Variants in COBL observed in about 807,000 individuals in gnomAD.
COBL encodes cordon-bleu WH2 repeat protein.
A neutral mutation model predicts 98.8 loss-of-function variants in COBL; 51 were observed. The observed-to-expected ratio is 0.52, with a 90% CI of 0.41 to 0.65. The LOEUF (loss-of-function observed/expected upper bound fraction) is 0.65. Among genes scored for constraint, COBL ranks in the 30% least tolerant of loss-of-function variants. COBL has a pLI of 0.00. For synonymous variants in COBL, 634 were observed against 651.7 expected (o/e 0.97, Z 0.41); for missense variants, 1,617 against 1,617.5 (o/e 1.00, Z 0.01).
intron 1 of COBL, among the ~76,000 whole-genome samples, chr7:51,224,931 T>TGGGCGGCCCGTGCATGCGG (rs552188617): frequency 6.6e-6 from 1 of 152,070 alleles, no homozygotes; most frequent in African/African-American, 2.4e-5. Context: ...CCTGTGCGTG[T>TGGGCGGCCCGTGCATGCGG]GGGCGGCCCG....
chr7:51,286,378 C>T (rs772537632), intron 1 of COBL, among the ~76,000 whole-genome samples: 7 of 138,260 alleles, frequency 5.1e-5, no homozygotes, highest in Non-Finnish European at 1.1e-4. Context: ...GCTGTATCCA[C>T]ATTATATAAA....
intron 7 of COBL, among the ~76,000 whole-genome samples, chr7:51,066,706 G>A (rs112541608): frequency 7.2e-5 from 11 of 152,224 alleles, no homozygotes; most frequent in East Asian, 1.9e-4. Context: ...CGCTGGCAGC[G>A]AATCTATGAA....
intron 2 of COBL, among the ~76,000 whole-genome samples, chr7:51,195,066 G>A (rs888541906): frequency 1.3e-5 from 2 of 152,034 alleles, no homozygotes; most frequent in African/African-American, 2.4e-5. Flanking sequence ...AATTGGTTTC[G>A]GAGTCTTCGT....
chr7:51,260,324 T>G (rs1373885697), intron 1 of COBL, among the ~76,000 whole-genome samples: 1 of 152,190 alleles, frequency 6.6e-6, no homozygotes, highest in Non-Finnish European at 1.5e-5. Context: ...TATGTAAAGT[T>G]TGCATTGAAA....
intron 6 of COBL, among the ~76,000 whole-genome samples, chr7:51,129,892 G>A (rs1237965043): frequency 5.9e-5 from 9 of 152,172 alleles, no homozygotes; most frequent in Non-Finnish European, 1.0e-4. Flanking sequence ...TTGCTCTAGC[G>A]AAGGTGTAAA....
intron 7 of COBL, chr7:51,071,206 G>A (rs1792515767): frequency 6.6e-6 from 1 of 152,160 alleles, no homozygotes; most frequent in Admixed American, 6.5e-5. Context: ...CTTATAAGGA[G>A]GAGAAATGAC....
chr7:51,126,074 T>A (rs1170983049), intron 6 of COBL, among the ~76,000 whole-genome samples: 1 of 152,216 alleles, frequency 6.6e-6, no homozygotes, highest in African/African-American at 2.4e-5. Flanking sequence ...CACACTGTAA[T>A]CCCAGCACTC....
At chr7:51,206,397 C>T (rs1467073369) in intron 2 of COBL, among the ~76,000 whole-genome samples, 1 of 150,424 alleles carries the variant, frequency 6.6e-6, no homozygotes, top group African/African-American at 2.5e-5. Context: ...AAGGCTGAGG[C>T]AGGAGAATTG....
At chr7:51,187,609 C>T (rs1191188882) in intron 4 of COBL, among the ~76,000 whole-genome samples, 2 of 152,176 alleles carry the variant, frequency 1.3e-5, no homozygotes. Context: ...GCGCACACCA[C>T]TTCTGATCTG....
At chr7:51,029,631 C>T (rs779046375) in intron 9 of COBL, 40 bp from the exon 10 acceptor site, 30 of 1,513,676 alleles carry the variant, frequency 2.0e-5, no homozygotes, top group Non-Finnish European at 2.4e-5. Flanking sequence ...ATGTTTCCCA[C>T]ACCAATTACT....
chr7:51,205,651 T>G (rs1791617170), intron 2 of COBL, among the ~76,000 whole-genome samples: 1 of 150,676 alleles, frequency 6.6e-6, no homozygotes, highest in Non-Finnish European at 1.5e-5. Flanking sequence ...TTTTTTGTTT[T>G]TTTTTTTTTT....
At chr7:51,159,418 A>C (rs1343593319) in intron 5 of COBL, among the ~76,000 whole-genome samples, 1 of 152,224 alleles carries the variant, frequency 6.6e-6, no homozygotes, top group Non-Finnish European at 1.5e-5. Context: ...CGGAGATGTC[A>C]TCTCCTAGAC....
rs573972723 is a variant in COBL, at chr7:51,247,927, C to A, written c.42-27983G>T. Reference sequence around the variant, plus strand: ...GCTGAGGTGGTGGATCACTTGAGGTCAGGAGTTCAAGACCAGCCTGGCCAA... The same window carrying A: ...GCTGAGGTGGTGGATCACTTGAGGTAAGGAGTTCAAGACCAGCCTGGCCAA... On this transcript the variant is annotated intron_variant, in intron 1 of 12. Transcript: ENST00000265136. 8.9e-4 allele frequency among the ~76,000 whole-genome samples: 135 copies of A among 152,246 alleles called. 1 individual carries two copies. The highest frequency in any genetic ancestry group is 1.3e-3 in the Admixed American group (20 of 15,300).
intron 1 of COBL, among the ~76,000 whole-genome samples, chr7:51,289,513 G>C (rs1482687077): frequency 6.6e-6 from 1 of 152,232 alleles, no homozygotes; most frequent in African/African-American, 2.4e-5. Context: ...GGGCAGCAGG[G>C]CTCAGAGGAC....
intron 7 of COBL, among the ~76,000 whole-genome samples, chr7:51,067,645 A>G (rs1562867694): frequency 6.6e-6 from 1 of 152,224 alleles, no homozygotes; most frequent in Non-Finnish European, 1.5e-5. Context: ...TCTTAGCTGC[A>G]TGATCTTAGG....
chr7:51,222,062 G>A (rs1377458448), intron 1 of COBL, among the ~76,000 whole-genome samples: 2 of 152,134 alleles, frequency 1.3e-5, no homozygotes, highest in Admixed American at 1.3e-4. Flanking sequence ...GGTGGCAGAT[G>A]CCTGTAATCC....
Position 51,252,294 on chromosome 7 carries a change from G to T in COBL, c.42-32350C>A, listed in dbSNP as rs1796792081. ...TTTTCATATATTCACTGAGTTGCGGGACCATCACCACAATTTTAGACTCTT... is the reference window on the plus strand; with the variant it reads ...TTTTCATATATTCACTGAGTTGCGGTACCATCACCACAATTTTAGACTCTT... On this transcript the variant is annotated intron_variant, in intron 1 of 12. Coordinates refer to ENST00000265136, the MANE Select transcript of COBL (RefSeq NM_015198.5). 4.6e-5 allele frequency among the ~76,000 whole-genome samples: 7 copies of T among 152,056 alleles called. No homozygotes were observed. In the South Asian group the frequency reaches 1.5e-3, roughly 32 times the overall value.
chr7:51,311,101 G>A (rs114900612), intron 1 of COBL, among the ~76,000 whole-genome samples: 133 of 152,312 alleles, frequency 8.7e-4, no homozygotes, highest in African/African-American at 3.0e-3. Context: ...TGTGGTCTGG[G>A]AATCTGTCTA....
At chr7:51,152,391 A>G (rs751168343) in intron 5 of COBL, among the ~76,000 whole-genome samples, 7 of 152,176 alleles carry the variant, frequency 4.6e-5, no homozygotes, top group Non-Finnish European at 1.0e-4. Context: ...AGTTGGTACC[A>G]TGGTTCACTT....
Sources: allele counts gnomAD v4.1 joint callset (sites outside exome capture counted in the v4.1 genomes callset), GRCh38; gene constraint gnomAD v4.1.1; transcripts MANE v1.5; gene names NCBI Gene and HGNC (gene_info 2026-07-23, HGNC 2026-07-21).